The following GALNT9 variants were observed in gnomAD, a reference collection of about 807,000 sequenced individuals.
GALNT9 encodes polypeptide N-acetylgalactosaminyltransferase 9.
Under a neutral mutation model 63.1 loss-of-function variants are expected in GALNT9, and 47 were observed. The observed-to-expected ratio is 0.75, with a 90% CI of 0.59 to 0.95. GALNT9 has a LOEUF of 0.95. GALNT9 is among the 40% of genes least tolerant of loss of function. The probability of loss-of-function intolerance (pLI) is 0.00; values close to 1 mark genes in which losing one functional copy is unlikely to be tolerated. For missense variants in GALNT9, 829 were observed against 874.8 expected (o/e 0.95, Z 0.66); for synonymous variants, 396 against 365.7 (o/e 1.08, Z -0.94).
At chr12:132,308,249 T>C (rs1555244826) in intron 1 of GALNT9, among the ~76,000 whole-genome samples, 1 of 152,112 alleles carries the variant, frequency 6.6e-6, no homozygotes, top group Non-Finnish European at 1.5e-5. Flanking sequence ...CAGCTGTAGC[T>C]CAGTGAAATC....
intron 2 of GALNT9, among the ~76,000 whole-genome samples, chr12:132,267,800 C>CA (rs138324682): frequency 2.1e-5 from 3 of 140,018 alleles, no homozygotes; most frequent in African/African-American, 9.1e-5. Context: ...CGCACTCACA[C>CA]GCACTCACAC....
chr12:132,271,114 T>C (rs1419945270), intron 2 of GALNT9, among the ~76,000 whole-genome samples: 2 of 152,156 alleles, frequency 1.3e-5, no homozygotes, highest in Non-Finnish European at 2.9e-5. Context: ...CAGTCCCCCA[T>C]GCGCCCTTCA....
At chr12:132,229,965 C>T (rs1250487707) in intron 6 of GALNT9, among the ~76,000 whole-genome samples, 1 of 152,230 alleles carries the variant, frequency 6.6e-6, no homozygotes, top group East Asian at 1.9e-4. Context: ...CAGTGAAATA[C>T]ACAAAGAATG....
At chr12:132,218,596 C>T (rs537728277) in intron 6 of GALNT9, among the ~76,000 whole-genome samples, 4 of 152,298 alleles carry the variant, frequency 2.6e-5, no homozygotes, top group African/African-American at 4.8e-5. Context: ...CTGTGGGTGA[C>T]GCCACCCTCT....
Position 132,262,660 on chromosome 12 carries a change from G to A in GALNT9, c.420-35C>T, listed in dbSNP as rs113109922. 6,268 of 1,456,778 alleles carry A rather than the reference G, an allele frequency of 4.3e-3. 536 individuals carry two copies. In the African/African-American group the frequency reaches 0.1, roughly 24 times the overall value. 90.2% of individuals were successfully genotyped at this position (1,456,778 alleles called of 1,614,324 possible). On this transcript the variant is annotated intron_variant, in intron 2 of 10. Transcript: ENST00000328957. ...ACACGGTTTGGGGTGCGGTCAGGGC[G>A]CAGCATGAGGGACCCCGGAAGCCAT...
chr12:132,311,759 C>T (rs868982655), intron 1 of GALNT9, among the ~76,000 whole-genome samples: 14 of 152,114 alleles, frequency 9.2e-5, no homozygotes, highest in African/African-American at 3.1e-4. Context: ...GCACCATCAC[C>T]TTCCGGCAAT....
At chr12:132,224,810 CAT>C (rs1368480157) in intron 6 of GALNT9, among the ~76,000 whole-genome samples, 1 of 146,718 alleles carries the variant, frequency 6.8e-6, no homozygotes, top group Non-Finnish European at 1.5e-5. Context: ...ACCCCACACA[CAT>C]ACACACCCTC....
At chr12:132,226,924 CCA>C (rs1877717046) in intron 6 of GALNT9, among the ~76,000 whole-genome samples, 1 of 149,158 alleles carries the variant, frequency 6.7e-6, no homozygotes, top group African/African-American at 2.5e-5. Context: ...TATACATACC[CCA>C]CACACTGTAC....
chr12:132,203,636 T>C lies in GALNT9; in HGVS notation c.1132A>G (p.Ile378Val). ...TTGTAGGGCTTCCTGGTGCGCTCGA[T>C]GTGGGCCACGCGGGAGCAGGGCAGC... ...EVLPCSRVAH[I>V]ERTRKPYNND... The change falls in exon 7 of 11, where the codon ATC (isoleucine) becomes GTC (valine). Residue 378 changes from isoleucine (I) to valine (V), a missense_variant. By Grantham distance (29) the Ile-to-Val change is conservative (BLOSUM62 3). Coordinates refer to ENST00000328957, the MANE Select transcript of GALNT9 (RefSeq NM_001122636.2). 1 of 1,613,878 alleles carries C rather than the reference T, an allele frequency of 6.2e-7. No individual in the cohort carries two copies. The highest frequency in any genetic ancestry group is 8.5e-7 in the Non-Finnish European group (1 of 1,179,860).
chr12:132,275,224 T>A (rs1482228386), intron 2 of GALNT9: 1 of 152,282 alleles, frequency 6.6e-6, no homozygotes, highest in Non-Finnish European at 1.5e-5. Flanking sequence ...CCATAAAACA[T>A]GGGGCTCAGC....
At chr12:132,290,566 C>A (rs1439078032) in intron 1 of GALNT9, among the ~76,000 whole-genome samples, 1 of 136,736 alleles carries the variant, frequency 7.3e-6, no homozygotes, top group East Asian at 2.3e-4. Flanking sequence ...CACGTCCACA[C>A]CACCCACATC....
intron 1 of GALNT9, among the ~76,000 whole-genome samples, chr12:132,288,843 G>A (rs1230625227): frequency 3.4e-5 from 5 of 146,496 alleles, no homozygotes; most frequent in African/African-American, 7.7e-5. Flanking sequence ...ACGGCTGCCC[G>A]ATGCCCGGCG....
chr12:132,313,094 C>T (rs1483594084), intron 1 of GALNT9, among the ~76,000 whole-genome samples: 1 of 151,188 alleles, frequency 6.6e-6, no homozygotes, highest in Non-Finnish European at 1.5e-5. Flanking sequence ...CCCATCCACC[C>T]ACTCACCCAT....
Position 132,197,121 on chromosome 12 carries a change from G to C in GALNT9, c.1798C>G (p.His600Asp). The C allele has an allele frequency of 6.2e-7, 1 of 1,614,170 alleles. No homozygotes were observed. Among genetic ancestry groups the C allele is most frequent in the Non-Finnish European group, 8.5e-7 (1 of 1,180,022 alleles). The change falls in exon 11 of 11, where the codon CAC (histidine) becomes GAC (aspartate). Residue 600 changes from histidine to aspartate, a missense_variant. Transcript: ENST00000328957. Reference protein sequence around the residue: ...QKWMIRNWIKHARH With the variant: ...QKWMIRNWIKDARH ...CGGAGGTGGGGTCAGTGCCGTGCGTGTTTGATCCAGTTTCTGATCATCCAC... is the reference window on the plus strand; with the variant it reads ...CGGAGGTGGGGTCAGTGCCGTGCGTCTTTGATCCAGTTTCTGATCATCCAC...
intron 2 of GALNT9, chr12:132,277,107 G>C (rs1218082614): frequency 6.5e-6 from 1 of 153,126 alleles, no homozygotes; most frequent in African/African-American, 2.4e-5. Context: ...AAACCAATCA[G>C]CAGTGCAGTT....
chr12:132,307,891 C>A (rs1366239682), intron 1 of GALNT9, among the ~76,000 whole-genome samples: 1 of 151,254 alleles, frequency 6.6e-6, no homozygotes, highest in Non-Finnish European at 1.5e-5. Context: ...GAGAAGTGGG[C>A]TGGGCGCAGT....
chr12:132,237,006 T>C (rs1463254471), intron 6 of GALNT9, among the ~76,000 whole-genome samples: 1 of 152,196 alleles, frequency 6.6e-6, no homozygotes, highest in Admixed American at 6.5e-5. Context: ...GGGTGCTCCA[T>C]GGCCCATGGG....
chr12:132,315,547 C>T lies in GALNT9; in HGVS notation c.238+13419G>A, dbSNP rs1173840102. The stretch of plus-strand genomic sequence containing the variant: ...GCCGGAGCTGCACGCAGAGCTGATG[C>T]GACTGAACTATTCTGTGGAAAGTAA... On this transcript the variant is annotated intron_variant, in intron 1 of 10. Coordinates refer to ENST00000328957, the MANE Select transcript of GALNT9 (RefSeq NM_001122636.2). The surrounding 1 kb of genome is among the most constrained non-coding windows in gnomAD (Gnocchi z 6.1). Among the ~76,000 whole-genome samples, 3 of 152,204 alleles carry T rather than the reference C, an allele frequency of 2.0e-5. No individual in the cohort carries two copies. The highest frequency in any genetic ancestry group is 2.9e-5 in the Non-Finnish European group (2 of 68,042).
chr12:132,209,606 G>A (rs1876869690), intron 6 of GALNT9, among the ~76,000 whole-genome samples: 1 of 152,040 alleles, frequency 6.6e-6, no homozygotes. Context: ...AACCAAGATG[G>A]CAACGAGTGA....
Sources: gnomAD v4.1 joint callset for allele counts (sites outside exome capture counted in the v4.1 genomes callset) on GRCh38, gnomAD v4.1.1 for gene constraint, Gnocchi (gnomAD v3.1) non-coding constraint, MANE v1.5 for transcripts, NCBI Gene and HGNC (gene_info 2026-07-23, HGNC 2026-07-21) for gene names.